PLCB3: variants seen among roughly 807,000 people sequenced by gnomAD.
PLCB3 encodes phospholipase C beta 3, also known as 1-phosphatidylinositol 4,5-bisphosphate phosphodiesterase beta-3.
PLCB3 carries 54 observed loss-of-function variants against 152.1 expected under a neutral mutation model. That is an observed-to-expected ratio of 0.36 (90% CI 0.29 to 0.45). The LOEUF (loss-of-function observed/expected upper bound fraction) is 0.45, where lower values mean the gene tolerates loss of function less well. PLCB3 is among the 20% of genes least tolerant of loss of function. The pLI is 1.00. For synonymous variants in PLCB3, 717 were observed against 698.7 expected, an observed-to-expected ratio of 1.03 and a Z score of -0.41; for missense variants, 1,248 against 1,687.5, an observed-to-expected ratio of 0.74 and a Z score of 4.56.
chr11:64,263,743 G>A lies in PLCB3; in HGVS notation c.2508G>A (p.Pro836=), dbSNP rs200605976. Residue 836 remains proline, a synonymous_variant, in exon 21 of 31, where the codon CCG becomes CCA. Coordinates refer to ENST00000279230, the MANE Select transcript of PLCB3 (RefSeq NM_000932.5). ...AGGCCAACCAACCGCTGTGCCTGCC[G>A]GCCCTGCTCATCTACACCGAAGCCT... ...RNEANQPLCL[P]ALLIYTEASD... 2.5e-6 allele frequency: 4 copies of A among 1,613,516 alleles called. No homozygotes were observed. The highest frequency in any genetic ancestry group is 1.1e-5 in the South Asian group (1 of 91,090).
Position 64,266,005 on chromosome 11 carries a change from C to T in PLCB3, c.3155C>T (p.Ala1052Val), listed in dbSNP as rs2032100759. 10 of 1,614,066 alleles carry T rather than the reference C, an allele frequency of 6.2e-6. No homozygotes were observed. The highest frequency in any genetic ancestry group is 8.5e-6 in the Non-Finnish European group (10 of 1,180,004). The change falls in exon 26 of 31, where the codon GCA becomes GTA. Residue 1052 changes from alanine (A) to valine (V), a missense_variant. By Grantham distance (64) the Ala-to-Val change is moderately conservative. Around this residue, in one of 6 missense-constraint regions of PLCB3, gnomAD observed 477 missense variants for 489.6 expected, o/e 0.97. Coordinates refer to ENST00000279230, the MANE Select transcript of PLCB3 (RefSeq NM_000932.5). The surrounding 1 kb of genome is among the most constrained non-coding windows in gnomAD (Gnocchi z 4.9). ...GAGCTGCGGGAGGCCCAGGTGGACG[C>T]AGAGGCCCAGCGGAGGCTGGAACAC... ...LLELREAQVD[A>V]EAQRRLEHLR... is the part of the protein sequence containing the mutation.
At chr11:64,265,283 C>T (rs771091060) in intron 24 of PLCB3, 27 bp from the exon 25 acceptor site, 23 of 1,552,990 alleles carry the variant, frequency 1.5e-5, no homozygotes, top group African/African-American at 9.5e-5. Context: ...CCCCACCCCC[C>T]GCCCACCTTT....
intron 14 of PLCB3, 106 bp from the exon 15 acceptor site, chr11:64,261,294 T>G: frequency 1.2e-6 from 1 of 818,176 alleles, no homozygotes; most frequent in Non-Finnish European, 2.1e-6. Context: ...CAGCAGTGTG[T>G]ATATAGTGCT....
At chr11:64,252,141 C>A (rs1433175630) in intron 1 of PLCB3, among the ~76,000 whole-genome samples, 1 of 152,062 alleles carries the variant, frequency 6.6e-6, no homozygotes, top group Non-Finnish European at 1.5e-5. Flanking sequence ...TGGCTGGGGG[C>A]ATCCTCATTC....
At chr11:64,263,852 C>G in intron 21 of PLCB3, 57 bp downstream of exon 21, 3 of 1,438,878 alleles carry the variant, frequency 2.1e-6, no homozygotes, top group Non-Finnish European at 2.9e-6. Context: ...ACAAGGGCCA[C>G]CCCCAGGGCC....
At position 64,266,225 on chromosome 11, in the gene PLCB3, G is replaced by A. The variant is rs2135068105; in HGVS notation, c.3266+23G>A. On this transcript the variant is annotated intron_variant, in intron 27 of 30. Coordinates refer to ENST00000279230, the MANE Select transcript of PLCB3 (RefSeq NM_000932.5). This position sits in a 1 kb window ranked among gnomAD's most constrained non-coding sequence, Gnocchi z 4.9. ...GAGGTGAAAGCCGAGGATTGTCTAT[G>A]GGAAGGGCTGGGGACTTCTAGTACC... The A allele has an allele frequency of 1.2e-6, 2 of 1,613,884 alleles. No homozygotes were observed. Among genetic ancestry groups the A allele is most frequent in the Non-Finnish European group, 1.7e-6 (2 of 1,179,892 alleles).
chr11:64,264,080 C>A lies in PLCB3; in HGVS notation c.2620C>A (p.Arg874=). 1 of 1,554,246 alleles carries A rather than the reference C, an allele frequency of 6.4e-7. No homozygotes were observed. Among genetic ancestry groups the A allele is most frequent in the Non-Finnish European group, 8.7e-7 (1 of 1,151,704 alleles). The change falls in exon 22 of 31, where the codon CGG becomes AGG. Residue 874 remains arginine (R), a synonymous_variant. Coordinates refer to ENST00000279230, the MANE Select transcript of PLCB3 (RefSeq NM_000932.5). ...CGTCAGCCTGATGGACCAGAGGGCCCGGCAGCTGGCCGCCCTCATTGGGGA... is the reference window on the plus strand; with the variant it reads ...CGTCAGCCTGATGGACCAGAGGGCCAGGCAGCTGGCCGCCCTCATTGGGGA... ...KHVSLMDQRA[R]QLAALIGESE...
In PLCB3 at chr11:64,267,392, G is replaced by A. The variant is rs770615156; in HGVS notation, c.3541G>A (p.Ala1181Thr). ...GGCCCAGGAGTGTCAGGAGCAGCGGGCGAGGCTCCCCCAGGAGATCCGCCG... is the reference window on the plus strand; with the variant it reads ...GGCCCAGGAGTGTCAGGAGCAGCGGACGAGGCTCCCCCAGGAGATCCGCCG... ...QLAQECQEQR[A>T]RLPQEIRRSL... Residue 1181 changes from alanine to threonine, a missense_variant, in exon 31 of 31, where the codon GCG (alanine) becomes ACG (threonine). By Grantham distance (58) the Ala-to-Thr change is moderately conservative. Transcript: ENST00000279230. This position sits in a 1 kb window ranked among gnomAD's most constrained non-coding sequence, Gnocchi z 5.2. 2 of 1,543,038 alleles carry A rather than the reference G, an allele frequency of 1.3e-6. No homozygotes were observed. Among genetic ancestry groups the A allele is most frequent in the Non-Finnish European group, 1.8e-6 (2 of 1,142,696 alleles).
In PLCB3 at chr11:64,265,326, G is replaced by T; in HGVS notation, c.2859G>T (p.Pro953=). ...ASILSEVAPT[P]LDELRGHKAL... ...CGCTCCCAGAGGTGGCCCCCACCCC[G>T]CTGGATGAGCTCCGAGGTCACAAGG... Residue 953 remains proline, a synonymous_variant, in exon 25 of 31, where the codon CCG becomes CCT. Transcript: ENST00000279230. The T allele has an allele frequency of 1.3e-6, 2 of 1,549,768 alleles. No individual in the cohort carries two copies. The highest frequency in any genetic ancestry group is 1.8e-6 in the Non-Finnish European group (2 of 1,138,540).
intron 16 of PLCB3, 36 bp downstream of exon 16, chr11:64,261,701 G>A (rs752285884): frequency 6.3e-7 from 1 of 1,581,732 alleles, no homozygotes; most frequent in South Asian, 1.1e-5. Flanking sequence ...GGCAGGCCAG[G>A]GTGGGGCGCT....
Position 64,258,369 on chromosome 11 carries a change from G to A in PLCB3, c.1013-104G>A, listed in dbSNP as rs1247962775. On this transcript the variant is annotated intron_variant, in intron 10 of 30. Transcript: ENST00000279230. This position sits in a 1 kb window ranked among gnomAD's most constrained non-coding sequence, Gnocchi z 7.2. ...GGTGGTGGGTATCCATCTGAGAGAT[G>A]GAGAGCCCTCTGCAAATCCAGCATG... The A allele has an allele frequency of 1.5e-6, 2 of 1,321,626 alleles. No individual in the cohort carries two copies. Among genetic ancestry groups the A allele is most frequent in the African/African-American group, 1.5e-5 (1 of 68,620 alleles). The allele number at this position is 1,321,626 out of a possible 1,614,324, so 81.9% of individuals were successfully genotyped here.
intron 19 of PLCB3, 29 bp from the exon 20 acceptor site, chr11:64,263,469 C>T (rs1452729483): frequency 4.1e-6 from 6 of 1,471,996 alleles, no homozygotes; most frequent in African/African-American, 1.4e-5. Context: ...AGGGTCAGCC[C>T]TGTGGCTCAG....
chr11:64,255,576 T>C lies in PLCB3; in HGVS notation c.557T>C (p.Val186Ala), dbSNP rs965741301. The C allele has an allele frequency of 3.8e-5, 58 of 1,526,678 alleles. No individual in the cohort carries two copies. Among genetic ancestry groups the C allele is most frequent in the Non-Finnish European group, 5.1e-5 (58 of 1,128,012 alleles). 94.6% of individuals were successfully genotyped at this position (1,526,678 alleles called of 1,614,324 possible). The change falls in exon 7 of 31, where the codon GTG becomes GCG. Residue 186 changes from valine (V) to alanine (A), a missense_variant. Transcript: ENST00000279230. This position sits in a 1 kb window ranked among gnomAD's most constrained non-coding sequence, Gnocchi z 6.8. ...LKMFSADKKR[V>A]ETALESCGLK... ...ATGTTCTCAGCAGACAAGAAGCGGG[T>C]GGAGACTGCGCTGGAATCCTGTGGC...
At position 64,260,172 on chromosome 11, in the gene PLCB3, G is replaced by A; in HGVS notation, c.1669G>A (p.Asp557Asn). Residue 557 changes from aspartate (D) to asparagine (N), a missense_variant, in exon 14 of 31, where the codon GAT becomes AAT. By Grantham distance (23) the Asp-to-Asn change is conservative. Around this residue, in one of 6 missense-constraint regions of PLCB3, gnomAD observed 105 missense variants for 100.9 expected, o/e 1.04. Coordinates refer to ENST00000279230, the MANE Select transcript of PLCB3 (RefSeq NM_000932.5). ...TGTTCTTGGACCTGCTGACCGTGAG[G>A]ATGAGGAGGAAGATGAGGAAGAGGA... Reference protein sequence around the residue: ...PYVLGPADREDEEEDEEEEEQ... With the variant: ...PYVLGPADRENEEEDEEEEEQ... 2 of 1,606,550 alleles carry A rather than the reference G, an allele frequency of 1.2e-6. No homozygotes were observed. The highest frequency in any genetic ancestry group is 2.2e-5 in the South Asian group (2 of 89,888).
rs115209083 is a variant in PLCB3, at chr11:64,261,697, C to A, written c.1913+32C>A. 4.8e-4 allele frequency: 765 copies of A among 1,590,492 alleles called. 3 individuals carry two copies. The African/African-American group carries it at 9.1e-3, about 19-fold the overall frequency. Reference sequence around the variant, plus strand: ...TTTGAAGGTGCTGTGGGCGGGCAGGCCAGGGTGGGGCGCTCGGAGGCCGGC... The same window carrying A: ...TTTGAAGGTGCTGTGGGCGGGCAGGACAGGGTGGGGCGCTCGGAGGCCGGC... On this transcript the variant is annotated intron_variant, in intron 16 of 30. Coordinates refer to ENST00000279230, the MANE Select transcript of PLCB3 (RefSeq NM_000932.5).
At position 64,265,301 on chromosome 11, in the gene PLCB3, C is replaced by T. The variant is rs376302294; in HGVS notation, c.2843-9C>T. On this transcript the variant is annotated splice_polypyrimidine_tract_variant and intron_variant, in intron 24 of 30. Transcript: ENST00000279230. ...CACCCCCCGCCCACCTTTGCTCTGC[C>T]GCTCCCAGAGGTGGCCCCCACCCCG... 33 of 1,507,146 alleles carry T rather than the reference C, an allele frequency of 2.2e-5. No individual in the cohort carries two copies. The East Asian group carries it at 4.0e-4, about 18-fold the overall frequency. 93.4% of individuals were successfully genotyped at this position (1,507,146 alleles called of 1,614,324 possible).
chr11:64,260,000 C>T, intron 13 of PLCB3, 29 bp from the exon 14 acceptor site: 2 of 1,592,266 alleles, frequency 1.3e-6, no homozygotes, highest in South Asian at 1.1e-5. Flanking sequence ...TGGTCCTGAC[C>T]CCTCACCCTG....
Position 64,255,644 on chromosome 11 carries a change from T to TGGGGGGGGGGCCCGGGGGGGGGGG in PLCB3, c.597+32_597+33insGGGGGGCCCGGGGGGGGGGGGGGG. 1.1e-6 allele frequency: 1 copy of TGGGGGGGGGGCCCGGGGGGGGGGG among 890,118 alleles called. No individual in the cohort carries two copies. The highest frequency in any genetic ancestry group is 1.7e-6 in the Non-Finnish European group (1 of 582,070). 55.1% of individuals were successfully genotyped at this position (890,118 alleles called of 1,614,324 possible). Reference sequence around the variant, plus strand: ...GTGTGGGGTGGGGACAGGGGCGGGGTGGGGTGTCACGGTGGGCACCCACCC... The same window carrying TGGGGGGGGGGCCCGGGGGGGGGGG: ...GTGTGGGGTGGGGACAGGGGCGGGGTGGGGGGGGGGCCCGGGGGGGGGGGGGGGTGTCACGGTGGGCACCCACCC... On this transcript the variant is annotated intron_variant, in intron 7 of 30. Transcript: ENST00000279230. This position sits in a 1 kb window ranked among gnomAD's most constrained non-coding sequence, Gnocchi z 6.8.
At position 64,258,726 on chromosome 11, in the gene PLCB3, C is replaced by G; in HGVS notation, c.1253+13C>G. On this transcript the variant is annotated intron_variant, in intron 11 of 30. Transcript: ENST00000279230. The surrounding 1 kb of genome is among the most constrained non-coding windows in gnomAD (Gnocchi z 7.2). ...ACCATGTGGACTCGTGAGTGAGCCC[C>G]TGGCATGAAACCCCATGGACCGGGG... 6.2e-7 allele frequency: 1 copy of G among 1,613,140 alleles called. No homozygotes were observed. Among genetic ancestry groups the G allele is most frequent in the Non-Finnish European group, 8.5e-7 (1 of 1,179,502 alleles).
Sources: gnomAD v4.1 joint callset for allele counts (sites outside exome capture counted in the v4.1 genomes callset) on GRCh38, gnomAD v4.1.1 for gene constraint, gnomAD v4.1.1 regional missense constraint, Gnocchi (gnomAD v3.1) non-coding constraint, MANE v1.5 for transcripts, NCBI Gene and HGNC (gene_info 2026-07-23, HGNC 2026-07-21) for gene names.